Variants in USP43 observed in about 807,000 individuals in gnomAD.
USP43 encodes ubiquitin specific peptidase 43.
In USP43, 33 loss-of-function variants were observed where a neutral mutation model predicts 90.7. The observed-to-expected ratio is 0.36, with a 90% CI of 0.28 to 0.49. The LOEUF (loss-of-function observed/expected upper bound fraction) is 0.49, where lower values mean the gene tolerates loss of function less well. Ranked by LOEUF, USP43 falls within the 20% of genes least tolerant of loss-of-function variation. The pLI, the probability that USP43 is intolerant of heterozygous loss-of-function variation, is 0.98. For synonymous variants in USP43, 598 were observed against 615.8 expected, an observed-to-expected ratio of 0.97 and a Z score of 0.43; for missense variants, 1,274 against 1,476.4, an observed-to-expected ratio of 0.86 and a Z score of 2.25.
At chr17:9,716,140 T>C (rs1219746427) in intron 14 of USP43, among the ~76,000 whole-genome samples, 4 of 150,530 alleles carry the variant, frequency 2.7e-5, no homozygotes, top group African/African-American at 7.5e-5. Flanking sequence ...TCTTTAGCCT[T>C]TGTGTTCCTT....
chr17:9,686,960 T>C lies in USP43; in HGVS notation c.1353+51T>C. ...GTGTGTGCGTGCATGCGCATGTGCA[T>C]GCGTGTGTGTGGGTGTGTGTATTGG... On this transcript the variant is annotated intron_variant, in intron 8 of 14. Transcript: ENST00000285199. The surrounding 1 kb of genome is among the most constrained non-coding windows in gnomAD (Gnocchi z 5.5). 6.5e-7 allele frequency: 1 copy of C among 1,529,170 alleles called. No homozygotes were observed. Among genetic ancestry groups the C allele is most frequent in the African/African-American group, 1.4e-5 (1 of 73,436 alleles). The allele number at this position is 1,529,170 out of a possible 1,614,324, so 94.7% of individuals were successfully genotyped here. A position where few individuals can be genotyped will look rare whatever the true frequency, so the allele number is the denominator to read the frequency against.
In USP43 at chr17:9,681,309, AAT is replaced by A. The variant is rs1405499865; in HGVS notation, c.1105+951_1105+952del. Reference sequence around the variant, plus strand: ...ATATATGTTATATATAATATAGATAAATATATATAAATATATATATAAATAAA... The same window carrying A: ...ATATATGTTATATATAATATAGATAAATATATAAATATATATATAAATAAA... On this transcript the variant is annotated intron_variant, in intron 6 of 14. Transcript: ENST00000285199. Among the ~76,000 whole-genome samples the A allele has an allele frequency of 1.5e-3, 164 of 112,050 alleles. 1 individual carries two copies. The highest frequency in any genetic ancestry group is 5.4e-3 in the African/African-American group (154 of 28,310). The allele number at this position is 112,050 out of a possible 152,430, so 73.5% of individuals were successfully genotyped here.
In USP43 at chr17:9,646,101, C is replaced by A; in HGVS notation, c.469C>A (p.Arg157Ser). The change falls in exon 1 of 15, where the codon CGC becomes AGC. Residue 157 changes from arginine (R) to serine (S), a missense_variant. Coordinates refer to ENST00000285199, the MANE Select transcript of USP43 (RefSeq NM_153210.5). ...GGCGCTGGTGCGCGCGCTCTGGACT[C>A]GCGAATACACGCCCCAACTTTCCGC... ...LAALVRALWT[R>S]EYTPQLSAEF... is the part of the protein sequence containing the mutation. 1.3e-6 allele frequency: 2 copies of A among 1,498,018 alleles called. No individual in the cohort carries two copies. Among genetic ancestry groups the A allele is most frequent in the East Asian group, 2.8e-5 (1 of 35,182 alleles). 92.8% of individuals were successfully genotyped at this position (1,498,018 alleles called of 1,614,324 possible). A position where few individuals can be genotyped will look rare whatever the true frequency, so the allele number is the denominator to read the frequency against.
chr17:9,701,357 C>A lies in USP43; in HGVS notation c.1668C>A (p.Ala556=), dbSNP rs1371749655. The change falls in exon 12 of 15, where the codon GCC becomes GCA. Residue 556 remains alanine, a synonymous_variant. Transcript: ENST00000285199. The surrounding 1 kb of genome is among the most constrained non-coding windows in gnomAD (Gnocchi z 7.2). ...CCGGGTGGTTTGCTTTCCAGCTGGC[C>A]CAGGATGACGCCTGGAAGTGTCCTC... The part of the protein sequence containing the change: ...FQFYTKEEQL[A]QDDAWKCPHC... The A allele has an allele frequency of 6.3e-7, 1 of 1,595,450 alleles. No homozygotes were observed. The highest frequency in any genetic ancestry group is 8.5e-7 in the Non-Finnish European group (1 of 1,171,108).
intron 6 of USP43, among the ~76,000 whole-genome samples, chr17:9,681,185 C>T (rs867745979): frequency 0.018 from 950 of 52,486 alleles, 129 homozygotes; most frequent in African/African-American, 0.091. Flanking sequence ...ATATAATATA[C>T]TATATAATAT....
chr17:9,693,082 A>G lies in USP43; in HGVS notation c.1354-45A>G, dbSNP rs777790343. 2.7e-6 allele frequency: 4 copies of G among 1,466,702 alleles called. No individual in the cohort carries two copies. The African/African-American group carries it at 4.2e-5, about 15-fold the overall frequency. The allele number at this position is 1,466,702 out of a possible 1,614,324, so 90.9% of individuals were successfully genotyped here. ...CCCCTTTAGAGTCTAATTTAAATCA[A>G]TATAGGGGCTACGTAATGATCCATG... On this transcript the variant is annotated intron_variant, in intron 8 of 14. Transcript: ENST00000285199.
At chr17:9,725,179 G>C (rs72635521) in intron 14 of USP43, among the ~76,000 whole-genome samples, 10,881 of 152,130 alleles carry the variant, frequency 0.072, 861 homozygotes, top group East Asian at 0.39. Flanking sequence ...CTGCATGGAG[G>C]GGGCTCTTGT....
chr17:9,714,839 A>AG (rs746592123), intron 14 of USP43, among the ~76,000 whole-genome samples: 32 of 152,300 alleles, frequency 2.1e-4, no homozygotes, highest in Middle Eastern at 3.4e-3. Context: ...GATGAAAAAA[A>AG]GAGAATCTTA....
At chr17:9,663,446 C>T (rs1312878052) in intron 2 of USP43, among the ~76,000 whole-genome samples, 19 of 151,774 alleles carry the variant, frequency 1.3e-4, no homozygotes, top group Admixed American at 8.5e-4. Flanking sequence ...TACAGATGTG[C>T]GCCACCATGC....
At chr17:9,716,200 C>T (rs1487821515) in intron 14 of USP43, among the ~76,000 whole-genome samples, 1 of 151,866 alleles carries the variant, frequency 6.6e-6, no homozygotes, top group East Asian at 1.9e-4. Context: ...TTCCTTATTT[C>T]TTGTTAGGTC....
At chr17:9,651,309 A>G (rs1228916110) in intron 1 of USP43, among the ~76,000 whole-genome samples, 1 of 152,002 alleles carries the variant, frequency 6.6e-6, no homozygotes, top group East Asian at 1.9e-4. Flanking sequence ...CTCCTGTCTC[A>G]GCCTTCCGAG....
chr17:9,670,716 G>C (rs274906), intron 3 of USP43, among the ~76,000 whole-genome samples: 13,105 of 152,116 alleles, frequency 0.086, 1,333 homozygotes, highest in African/African-American at 0.24. Flanking sequence ...GGGTGGGGAG[G>C]ACTTCCGAGG....
chr17:9,723,908 T>C (rs74252914), intron 14 of USP43, among the ~76,000 whole-genome samples: 6,113 of 152,062 alleles, frequency 0.04, 224 homozygotes, highest in East Asian at 0.21. Context: ...CGCGCCCGGC[T>C]TCCCTTATAG....
chr17:9,660,441 G>A (rs534170895), intron 2 of USP43, among the ~76,000 whole-genome samples: 10 of 152,196 alleles, frequency 6.6e-5, no homozygotes, highest in African/African-American at 2.2e-4. Flanking sequence ...GAGCCACCAC[G>A]CCCGACCAAT....
At chr17:9,702,124 G>A (rs1323506452) in intron 12 of USP43, among the ~76,000 whole-genome samples, 1 of 152,118 alleles carries the variant, frequency 6.6e-6, no homozygotes, top group Non-Finnish European at 1.5e-5. Flanking sequence ...ACTTTGGGAG[G>A]CTGAGGTGGA....
At chr17:9,676,229 A>C (rs1490036460) in intron 4 of USP43, among the ~76,000 whole-genome samples, 1 of 152,188 alleles carries the variant, frequency 6.6e-6, no homozygotes, top group Non-Finnish European at 1.5e-5. Context: ...ATTCTTAATC[A>C]AATACTTTTT....
chr17:9,666,780 C>T (rs1287100677), intron 3 of USP43, 29 bp downstream of exon 3: 1 of 1,553,926 alleles, frequency 6.4e-7, no homozygotes, highest in Non-Finnish European at 8.8e-7. Flanking sequence ...TAGAATGTAT[C>T]ACCCGAGGGC....
chr17:9,689,831 T>C (rs1266164465), intron 8 of USP43, among the ~76,000 whole-genome samples: 2 of 152,190 alleles, frequency 1.3e-5, no homozygotes, highest in African/African-American at 4.8e-5. Flanking sequence ...GGCTGACTTT[T>C]GCTGTCCAAA....
At chr17:9,707,980 C>T (rs1597877907) in intron 12 of USP43, among the ~76,000 whole-genome samples, 1 of 152,336 alleles carries the variant, frequency 6.6e-6, no homozygotes, top group South Asian at 2.1e-4. Flanking sequence ...GACTGATTGA[C>T]TGTGTCTGTG....
Sources: allele counts gnomAD v4.1 joint callset (sites outside exome capture counted in the v4.1 genomes callset), GRCh38; gene constraint gnomAD v4.1.1; non-coding constraint Gnocchi (gnomAD v3.1); transcripts MANE v1.5; gene names NCBI Gene and HGNC (gene_info 2026-07-23, HGNC 2026-07-21).